Variants in CDC42 observed in about 807,000 individuals in gnomAD.
CDC42 encodes cell division cycle 42.
A neutral mutation model predicts 20.8 loss-of-function variants in CDC42; 1 was observed. That is an observed-to-expected ratio of 0.05 (90% CI 0.02 to 0.23). CDC42 has a LOEUF of 0.23. Ranked by LOEUF, CDC42 falls within the 10% of genes least tolerant of loss-of-function variation. The pLI, the probability that CDC42 is intolerant of heterozygous loss-of-function variation, is 1.00. For missense variants in CDC42, 49 were observed against 227.9 expected, an observed-to-expected ratio of 0.21 and a Z score of 5.05; for synonymous variants, 72 against 84.8, an observed-to-expected ratio of 0.85 and a Z score of 0.83.
At chr1:22,062,370 A>T (rs12071753) in intron 1 of CDC42, among the ~76,000 whole-genome samples, 1 of 152,166 alleles carries the variant, frequency 6.6e-6, no homozygotes, top group East Asian at 1.9e-4. Context: ...TTGGCATCTC[A>T]CCTCATAACT....
At chr1:22,077,492 TTTAAA>T (rs758833186) in intron 1 of CDC42, among the ~76,000 whole-genome samples, 1 of 152,164 alleles carries the variant, frequency 6.6e-6, no homozygotes, top group Non-Finnish European at 1.5e-5. Flanking sequence ...AGGATTATAA[TTTAAA>T]TTAATTTAAA....
Position 22,094,293 on chromosome 1 carries a change from G to GTTTTTTTTTTTTTTTT in CDC42, c.*2776_*2777insTTTTTTTTTTTTTTTT, listed in dbSNP as rs1557910832. Among the ~76,000 whole-genome samples the GTTTTTTTTTTTTTTTT allele has an allele frequency of 1.1e-4, 3 of 27,696 alleles. No individual in the cohort carries two copies. Among genetic ancestry groups the GTTTTTTTTTTTTTTTT allele is most frequent in the African/African-American group, 4.5e-4 (2 of 4,430 alleles). 18.2% of individuals were successfully genotyped at this position (27,696 alleles called of 152,430 possible). A position where few individuals can be genotyped will look rare whatever the true frequency, so the allele number is the denominator to read the frequency against. On this transcript the variant is annotated 3_prime_UTR_variant, in exon 6 of 6. Transcript: ENST00000656825. ...TGTTTTACTGAACATCCTAGAAATA[G>GTTTTTTTTTTTTTTTT]ATTTTTTTTTTTTTTTTTTTTTGAG...
At chr1:22,081,308 A>G (rs1645605417) in intron 2 of CDC42, among the ~76,000 whole-genome samples, 1 of 152,242 alleles carries the variant, frequency 6.6e-6, no homozygotes, top group Non-Finnish European at 1.5e-5. Flanking sequence ...AAGAAAGGTC[A>G]TGGATCTAGG....
At chr1:22,055,510 G>C (rs1306542728) in intron 1 of CDC42, among the ~76,000 whole-genome samples, 1 of 144,482 alleles carries the variant, frequency 6.9e-6, no homozygotes, top group Admixed American at 7.0e-5. Context: ...TTTTTTTGGA[G>C]ACAGGGTCTT....
intron 1 of CDC42, among the ~76,000 whole-genome samples, chr1:22,059,947 C>T (rs1411746237): frequency 1.3e-5 from 2 of 152,186 alleles, no homozygotes; most frequent in Non-Finnish European, 2.9e-5. Context: ...TCCCTGAGAG[C>T]TGGGGGATCA....
At position 22,096,361 on chromosome 1, in the gene CDC42, A is replaced by C. The variant is rs182099866; in HGVS notation, c.*4844A>C. On this transcript the variant is annotated 3_prime_UTR_variant, in exon 6 of 6. Coordinates refer to ENST00000656825, the MANE Select transcript of CDC42 (RefSeq NM_001791.4). ...CAGAGAGTAAAATAGATGTCTCCTG[A>C]CTTCTACTTGGAATTTTCTTTCCCT... Among the ~76,000 whole-genome samples, 1 of 152,160 alleles carries C rather than the reference A, an allele frequency of 6.6e-6. No homozygotes were observed. Among genetic ancestry groups the C allele is most frequent in the Non-Finnish European group, 1.5e-5 (1 of 68,018 alleles).
chr1:22,061,413 A>G (rs1292280872), intron 1 of CDC42, among the ~76,000 whole-genome samples: 3 of 682 alleles, frequency 4.4e-3, no homozygotes, highest in African/African-American at 0.062. Context: ...TGTCTCAGGA[A>G]AAAAAAAAAA....
chr1:22,054,228 C>T (rs1294712218), intron 1 of CDC42, among the ~76,000 whole-genome samples: 1 of 151,916 alleles, frequency 6.6e-6, no homozygotes, highest in Admixed American at 6.6e-5. Context: ...GTCTCAAAGA[C>T]GTTACTAAAT....
At chr1:22,088,595 A>G (rs1291940453) in intron 5 of CDC42, among the ~76,000 whole-genome samples, 1 of 152,222 alleles carries the variant, frequency 6.6e-6, no homozygotes, top group African/African-American at 2.4e-5. Flanking sequence ...TAAAGTCTTA[A>G]TATAAACAGA....
At chr1:22,077,338 G>A (rs1349380041) in intron 1 of CDC42, among the ~76,000 whole-genome samples, 2 of 152,098 alleles carry the variant, frequency 1.3e-5, no homozygotes, top group Admixed American at 1.3e-4. Flanking sequence ...GGTGCATGAG[G>A]TAGTATAGGT....
At chr1:22,086,200 T>G (rs1645660927) in intron 3 of CDC42, among the ~76,000 whole-genome samples, 1 of 152,210 alleles carries the variant, frequency 6.6e-6, no homozygotes, top group Non-Finnish European at 1.5e-5. Flanking sequence ...ACACAAAGAT[T>G]GAACACCACA....
chr1:22,090,817 A>G (rs550992111), intron 5 of CDC42: 2 of 985,046 alleles, frequency 2.0e-6, no homozygotes, highest in South Asian at 9.4e-5. Flanking sequence ...ATGCCTGATG[A>G]AGCTTTATTC....
chr1:22,086,513 G>A lies in CDC42; in HGVS notation c.253G>A (p.Val85Ile). The stretch of plus-strand genomic sequence containing the variant: ...TGTATTTCTAGTCTGTTTTTCAGTG[G>A]TCTCTCCATCTTCATTTGAAAACGT... ...TDVFLVCFSV[V>I]SPSSFENVKE... The change falls in exon 4 of 6, where the codon GTC becomes ATC. Residue 85 changes from valine to isoleucine, a missense_variant. By Grantham distance (29) the Val-to-Ile change is conservative. This residue lies in a region of CDC42 where 11 missense variants were observed against 121.3 expected (regional missense o/e 0.09). Transcript: ENST00000656825. The A allele has an allele frequency of 6.2e-7, 1 of 1,609,690 alleles. No individual in the cohort carries two copies. The highest frequency in any genetic ancestry group is 8.5e-7 in the Non-Finnish European group (1 of 1,176,390).
intron 1 of CDC42, among the ~76,000 whole-genome samples, chr1:22,071,156 G>C (rs1052869713): frequency 6.8e-6 from 1 of 146,112 alleles, no homozygotes; most frequent in Non-Finnish European, 1.5e-5. Flanking sequence ...CCATTCTCCT[G>C]CCTCAGCCTC....
intron 5 of CDC42, 43 bp downstream of exon 5, chr1:22,086,909 A>G (rs775604007): frequency 2.7e-6 from 4 of 1,504,684 alleles, no homozygotes; most frequent in East Asian, 4.5e-5. Flanking sequence ...TGGTCGAGTC[A>G]TTTATTAGAG....
intron 1 of CDC42, among the ~76,000 whole-genome samples, chr1:22,067,939 G>A (rs2152828343): frequency 6.6e-6 from 1 of 152,240 alleles, no homozygotes; most frequent in South Asian, 2.1e-4. Flanking sequence ...AGGGTAGCTT[G>A]AAAATAGGGT....
intron 2 of CDC42, 32 bp from the exon 3 acceptor site, chr1:22,081,690 A>T (rs1645609362): frequency 2.9e-6 from 4 of 1,387,164 alleles, no homozygotes; most frequent in Non-Finnish European, 3.1e-6. Context: ...CTCTCCTTGC[A>T]CACTAACAGT....
At position 22,091,578 on chromosome 1, in the gene CDC42, A is replaced by T; in HGVS notation, c.*61A>T. The T allele has an allele frequency of 8.6e-7, 1 of 1,156,418 alleles. No homozygotes were observed. The highest frequency in any genetic ancestry group is 1.3e-6 in the Non-Finnish European group (1 of 785,784). The allele number at this position is 1,156,418 out of a possible 1,614,324, so 71.6% of individuals were successfully genotyped here. A position where few individuals can be genotyped will look rare whatever the true frequency, so the allele number is the denominator to read the frequency against. On this transcript the variant is annotated 3_prime_UTR_variant, in exon 6 of 6. Transcript: ENST00000656825. Reference sequence around the variant, plus strand: ...CGGCATCATACTAAAAGCAATGTTTAAATCAAACTAAAGATTAAAAATTAA... The same window carrying T: ...CGGCATCATACTAAAAGCAATGTTTTAATCAAACTAAAGATTAAAAATTAA...
At chr1:22,073,534 G>C (rs1645515663) in intron 1 of CDC42, among the ~76,000 whole-genome samples, 1 of 148,636 alleles carries the variant, frequency 6.7e-6, no homozygotes, top group Non-Finnish European at 1.5e-5. Context: ...GCAAAACTCT[G>C]TCTCAAAAAA....
Sources: gnomAD v4.1 joint callset for allele counts (sites outside exome capture counted in the v4.1 genomes callset) on GRCh38, gnomAD v4.1.1 for gene constraint, gnomAD v4.1.1 regional missense constraint, MANE v1.5 for transcripts, NCBI Gene and HGNC (gene_info 2026-07-23, HGNC 2026-07-21) for gene names.